ANKRD27: variants seen among roughly 807,000 people sequenced by gnomAD.
ANKRD27 encodes the protein ankyrin repeat domain-containing protein 27.
A neutral mutation model predicts 129.7 loss-of-function variants in ANKRD27; 112 were observed. That is an observed-to-expected ratio of 0.86 (90% confidence interval 0.74 to 1.01). ANKRD27 has a LOEUF of 1.01. Among genes scored for constraint, ANKRD27 ranks in the 50% least tolerant of loss-of-function variants. ANKRD27 has a pLI of 0.00. For synonymous variants in ANKRD27, 516 were observed against 511.2 expected, an observed-to-expected ratio of 1.01 and a Z score of -0.13; for missense variants, 1,258 against 1,300.5, an observed-to-expected ratio of 0.97 and a Z score of 0.50.
chr19:32,604,458 C>T, intron 24 of ANKRD27, 34 bp from the exon 25 acceptor site: 1 of 1,562,666 alleles, frequency 6.4e-7, no homozygotes, highest in Non-Finnish European at 8.7e-7. Flanking sequence ...AAAAGGAACG[C>T]TACGAAACGT....
At chr19:32,668,985 T>C (rs999392376) in intron 1 of ANKRD27, among the ~76,000 whole-genome samples, 8 of 152,048 alleles carry the variant, frequency 5.3e-5, no homozygotes, top group African/African-American at 1.7e-4. Flanking sequence ...CATTCATTCA[T>C]TCATTTAGTA....
chr19:32,664,776 C>T (rs1967716581), intron 1 of ANKRD27, among the ~76,000 whole-genome samples: 1 of 150,598 alleles, frequency 6.6e-6, no homozygotes. Context: ...CTGGGCAACC[C>T]CATCTTTACA....
At chr19:32,658,509 A>G (rs923578737) in intron 2 of ANKRD27, among the ~76,000 whole-genome samples, 12 of 152,196 alleles carry the variant, frequency 7.9e-5, no homozygotes, top group African/African-American at 2.9e-4. Flanking sequence ...TCGGTCCCTT[A>G]TTCTATGAGG....
chr19:32,643,910 T>G lies in ANKRD27; in HGVS notation c.526-279A>C, dbSNP rs1967251591. On this transcript the variant is annotated intron_variant, in intron 5 of 28. Transcript: ENST00000306065. ...CTTTTTAAGAGACAGGGTCTCACTT[T>G]GTTGCCCAGAGTAGAGTGCAGTGGT... 8 of 508,990 alleles carry G rather than the reference T, an allele frequency of 1.6e-5. No homozygotes were observed. The Admixed American group carries it at 2.3e-4, about 15-fold the overall frequency. The allele number at this position is 508,990 out of a possible 1,614,324, so 31.5% of individuals were successfully genotyped here.
intron 1 of ANKRD27, among the ~76,000 whole-genome samples, chr19:32,674,185 G>GA (rs1568424874): frequency 3.3e-5 from 5 of 151,816 alleles, no homozygotes; most frequent in African/African-American, 4.8e-5. Flanking sequence ...AGAAAGAAAA[G>GA]AAAAAAAATA....
At chr19:32,651,731 C>T (rs539493809) in intron 2 of ANKRD27, among the ~76,000 whole-genome samples, 6 of 152,156 alleles carry the variant, frequency 3.9e-5, no homozygotes, top group Admixed American at 1.3e-4. Context: ...ACATGCTGCC[C>T]GCTTGTTTGC....
At chr19:32,612,907 C>T (rs1971855117) in intron 22 of ANKRD27, among the ~76,000 whole-genome samples, 1 of 151,872 alleles carries the variant, frequency 6.6e-6, no homozygotes, top group African/African-American at 2.4e-5. Flanking sequence ...AGACTTGACA[C>T]CAAAAGTATA....
At chr19:32,607,476 G>A (rs534538888) in intron 23 of ANKRD27, among the ~76,000 whole-genome samples, 159 bp downstream of exon 23, 1 of 152,252 alleles carries the variant, frequency 6.6e-6, no homozygotes, top group African/African-American at 2.4e-5. Flanking sequence ...TCTGTGCTCC[G>A]AGGCTGAGTG....
intron 23 of ANKRD27, among the ~76,000 whole-genome samples, chr19:32,607,360 A>C (rs1971759630): frequency 6.6e-6 from 1 of 151,622 alleles, no homozygotes; most frequent in African/African-American, 2.4e-5. Context: ...CGAGCTCAAG[A>C]GCCAGATCCT....
At chr19:32,643,869 A>AG in intron 5 of ANKRD27, 1 of 536,328 alleles carries the variant, frequency 1.9e-6, no homozygotes. Flanking sequence ...TGACTTTACC[A>AG]CTTGGTTTGT....
intron 2 of ANKRD27, among the ~76,000 whole-genome samples, chr19:32,651,287 C>T (rs1054302194): frequency 2.6e-5 from 4 of 152,168 alleles, no homozygotes; most frequent in Non-Finnish European, 5.9e-5. Context: ...ATGGCCCCCC[C>T]TCCAGCTGCA....
intron 1 of ANKRD27, among the ~76,000 whole-genome samples, chr19:32,668,000 G>C (rs1399326941): frequency 6.6e-6 from 1 of 152,142 alleles, no homozygotes; most frequent in Non-Finnish European, 1.5e-5. Flanking sequence ...CTATGTAACA[G>C]GGATCCAGAA....
At chr19:32,666,284 C>CA (rs1967753192) in intron 1 of ANKRD27, 1 of 152,204 alleles carries the variant, frequency 6.6e-6, no homozygotes, top group Admixed American at 6.5e-5. Context: ...GGACTTACAT[C>CA]AGAGTCACGC....
intron 24 of ANKRD27, among the ~76,000 whole-genome samples, chr19:32,605,181 G>A (rs917355688): frequency 1.3e-5 from 2 of 152,086 alleles, no homozygotes; most frequent in African/African-American, 4.8e-5. Context: ...GACCAGCCTG[G>A]GCAACATAGT....
rs765267249 is a variant in ANKRD27, at chr19:32,598,174, G to T, written c.3124C>A (p.Pro1042Thr). ...GPEAAGPLST[P>T]QEVSASRS ...GACCGGGAAGCACTAACCTCTTGGG[G>T]AGTGGAGAGGGGGCCAGCAGCCTCC... Residue 1042 changes from proline (P) to threonine (T), a missense_variant, in exon 29 of 29, where the codon CCC (proline) becomes ACC (threonine). Transcript: ENST00000306065. 5.6e-6 allele frequency: 9 copies of T among 1,614,152 alleles called. No homozygotes were observed. The highest frequency in any genetic ancestry group is 5.1e-6 in the Non-Finnish European group (6 of 1,180,030).
chr19:32,619,311 G>A lies in ANKRD27; in HGVS notation c.1956C>T (p.Ser652=), dbSNP rs1415014246. The change falls in exon 20 of 29, where the codon TCC becomes TCT. Residue 652 remains serine, a synonymous_variant. Coordinates refer to ENST00000306065, the MANE Select transcript of ANKRD27 (RefSeq NM_032139.3). ...ISQESSTSSF[S]SMSASSRQEE... Reference sequence around the variant, plus strand: ...CCTGCCTTGAGCTGGCTGACATGGAGGAGAAGCTGGAAGTGGAGGACTCTT... The same window carrying A: ...CCTGCCTTGAGCTGGCTGACATGGAAGAGAAGCTGGAAGTGGAGGACTCTT... 58 of 1,613,880 alleles carry A rather than the reference G, an allele frequency of 3.6e-5. No individual in the cohort carries two copies. Among genetic ancestry groups the A allele is most frequent in the Non-Finnish European group, 4.7e-5 (56 of 1,180,028 alleles).
At chr19:32,643,400 G>C in intron 7 of ANKRD27, 31 bp downstream of exon 7, 4 of 1,613,788 alleles carry the variant, frequency 2.5e-6, no homozygotes, top group Non-Finnish European at 3.4e-6. Context: ...GCAACAGGGT[G>C]TGCCTCCCAG....
chr19:32,666,171 T>C (rs973836140), intron 1 of ANKRD27: 3 of 152,282 alleles, frequency 2.0e-5, no homozygotes, highest in Non-Finnish European at 2.9e-5. Flanking sequence ...CGACTTTTAT[T>C]AGACTATTTA....
At chr19:32,615,861 C>T (rs912592095) in intron 21 of ANKRD27, 81 bp from the exon 22 acceptor site, 15 of 1,538,548 alleles carry the variant, frequency 9.7e-6, no homozygotes, top group African/African-American at 9.6e-5. Context: ...CACCATCAAC[C>T]GTTCCCAATC....
Sources: gnomAD v4.1 joint callset for allele counts (sites outside exome capture counted in the v4.1 genomes callset) on GRCh38, gnomAD v4.1.1 for gene constraint, MANE v1.5 for transcripts, NCBI Gene and HGNC (gene_info 2026-07-23, HGNC 2026-07-21) for gene names.